Variants in PCDHGA10 observed in about 807,000 individuals in gnomAD.
PCDHGA10 encodes protocadherin gamma-A10.
In PCDHGA10, 42 loss-of-function variants were observed where a neutral mutation model predicts 59.5. That is an observed-to-expected ratio of 0.71 (90% CI 0.55 to 0.91). The LOEUF (loss-of-function observed/expected upper bound fraction) is 0.91. Among genes scored for constraint, PCDHGA10 ranks in the 40% least tolerant of loss-of-function variants. PCDHGA10 has a pLI of 0.00. For synonymous variants in PCDHGA10, 511 were observed against 517.2 expected (o/e 0.99, Z 0.16); for missense variants, 1,111 against 1,198.2 (o/e 0.93, Z 1.07).
chr5:141,451,914 A>G (rs1387569597), intron 1 of PCDHGA10, among the ~76,000 whole-genome samples: 3 of 152,022 alleles, frequency 2.0e-5, no homozygotes, highest in East Asian at 1.9e-4. Context: ...GGGAGGGAGG[A>G]AGGAAGGGAG....
At chr5:141,423,577 G>T (rs1348410879) in intron 1 of PCDHGA10, 1 of 1,613,478 alleles carries the variant, frequency 6.2e-7, no homozygotes, top group Admixed American at 1.7e-5. Flanking sequence ...CATCAGCCAG[G>T]AGAGCTGTGA....
rs1236074950 is a variant in PCDHGA10 at position 141,489,119 on chromosome 5, C to G, written c.2437-5688C>G. On this transcript the variant is annotated intron_variant, in intron 1 of 3. Transcript: ENST00000398610. This position sits in a 1 kb window ranked among gnomAD's most constrained non-coding sequence, Gnocchi z 4.5. ...GAACTGCTGCAAGCAGGCAAACCTC[C>G]GAGCAGTTTTTAAGAGGCTGGAAGG... The G allele has an allele frequency of 1.5e-6, 1 of 650,358 alleles. No individual in the cohort carries two copies. Among genetic ancestry groups the G allele is most frequent in the Non-Finnish European group, 2.5e-6 (1 of 400,690 alleles). The allele number at this position is 650,358 out of a possible 1,614,324, so 40.3% of individuals were successfully genotyped here. A position where few individuals can be genotyped will look rare whatever the true frequency, so the allele number is the denominator to read the frequency against.
intron 1 of PCDHGA10, chr5:141,442,120 C>G (rs766641164): frequency 6.0e-6 from 1 of 165,340 alleles, no homozygotes; most frequent in Admixed American, 6.5e-5. Flanking sequence ...CCCTCGTCGC[C>G]GACAGCCTGC....
intron 1 of PCDHGA10, among the ~76,000 whole-genome samples, chr5:141,425,305 AC>A (rs1239206853): frequency 1.3e-5 from 2 of 152,202 alleles, no homozygotes; most frequent in Non-Finnish European, 2.9e-5. Flanking sequence ...ATCTAAACTA[AC>A]TTCCCAAGAT....
Position 141,505,409 on chromosome 5 carries a change from G to T in PCDHGA10, c.2512G>T (p.Asp838Tyr). The change falls in exon 3 of 4, where the codon GAC (aspartate) becomes TAC (tyrosine). Residue 838 changes from aspartate to tyrosine, a missense_variant. Asp to Tyr is a radical substitution (Grantham distance 160). Transcript: ENST00000398610. ...PGTSGSQNGD[D>Y]TGTWPNNQFD... Reference sequence around the variant, plus strand: ...TCTCCCCAGCTCCCAAAATGGCGATGACACCGGCACCTGGCCCAACAACCA... The same window carrying T: ...TCTCCCCAGCTCCCAAAATGGCGATTACACCGGCACCTGGCCCAACAACCA... 6.2e-7 allele frequency: 1 copy of T among 1,614,200 alleles called. No individual in the cohort carries two copies. Among genetic ancestry groups the T allele is most frequent in the Non-Finnish European group, 8.5e-7 (1 of 1,180,048 alleles).
chr5:141,427,704 G>C (rs2097059746), intron 1 of PCDHGA10: 2 of 966,116 alleles, frequency 2.1e-6, no homozygotes, highest in Non-Finnish European at 3.2e-6. Context: ...ACAAGTCAGC[G>C]CCTCTGACCT....
At chr5:141,479,120 A>T (rs1278879959) in intron 1 of PCDHGA10, among the ~76,000 whole-genome samples, 1 of 152,232 alleles carries the variant, frequency 6.6e-6, no homozygotes, top group Non-Finnish European at 1.5e-5. Context: ...TTCTACTGGA[A>T]ATGATGTGCA....
intron 1 of PCDHGA10, among the ~76,000 whole-genome samples, chr5:141,456,297 A>G (rs537379475): frequency 6.6e-6 from 1 of 152,274 alleles, no homozygotes; most frequent in African/African-American, 2.4e-5. Context: ...CGTCTAATGG[A>G]GAACAGCAGC....
At chr5:141,502,400 C>T (rs964923206) in intron 2 of PCDHGA10, among the ~76,000 whole-genome samples, 2 of 151,748 alleles carry the variant, frequency 1.3e-5, no homozygotes, top group African/African-American at 4.8e-5. Flanking sequence ...AAAATGTCCC[C>T]GAACCTGGAT....
chr5:141,472,218 G>A (rs1206861601), intron 1 of PCDHGA10, among the ~76,000 whole-genome samples: 3 of 152,054 alleles, frequency 2.0e-5, no homozygotes, highest in Admixed American at 2.0e-4. Flanking sequence ...CCTTACTCTC[G>A]ATCATATAAT....
Position 141,486,979 on chromosome 5 carries a change from C to T in PCDHGA10, c.2437-7828C>T. On this transcript the variant is annotated intron_variant, in intron 1 of 3. Transcript: ENST00000398610. This position sits in a 1 kb window ranked among gnomAD's most constrained non-coding sequence, Gnocchi z 5.0. ...CTGCTGTGGACTTGGATTCAGGTTACAATGCTTGGGTTTCCTATCAGCTCC... is the reference window on the plus strand; with the variant it reads ...CTGCTGTGGACTTGGATTCAGGTTATAATGCTTGGGTTTCCTATCAGCTCC... 6.2e-7 allele frequency: 1 copy of T among 1,614,200 alleles called. No individual in the cohort carries two copies. Among genetic ancestry groups the T allele is most frequent in the Non-Finnish European group, 8.5e-7 (1 of 1,180,032 alleles).
At chr5:141,462,596 A>G (rs1260411284) in intron 1 of PCDHGA10, among the ~76,000 whole-genome samples, 5 of 151,922 alleles carry the variant, frequency 3.3e-5, no homozygotes, top group African/African-American at 1.2e-4. Flanking sequence ...TTTCCATTTC[A>G]TATATTGTAT....
chr5:141,482,740 G>A (rs1288861437), intron 1 of PCDHGA10, among the ~76,000 whole-genome samples: 1 of 127,398 alleles, frequency 7.8e-6, no homozygotes, highest in African/African-American at 3.6e-5. Context: ...GAAATTCCAT[G>A]CAGAGGGATT....
Position 141,490,688 on chromosome 5 carries a change from C to G in PCDHGA10, c.2437-4119C>G. 1 of 1,614,218 alleles carries G rather than the reference C, an allele frequency of 6.2e-7. No individual in the cohort carries two copies. Among genetic ancestry groups the G allele is most frequent in the Non-Finnish European group, 8.5e-7 (1 of 1,180,032 alleles). On this transcript the variant is annotated intron_variant, in intron 1 of 3. Coordinates refer to ENST00000398610, the MANE Select transcript of PCDHGA10 (RefSeq NM_018913.3). The surrounding 1 kb of genome is among the most constrained non-coding windows in gnomAD (Gnocchi z 5.4). ...ACTGTGGCTGCCTCAGATCCAGACA[C>G]TGGGGATAATGCCCGCCTCACCTAC...
chr5:141,472,856 C>T (rs1251907207), intron 1 of PCDHGA10, among the ~76,000 whole-genome samples: 5 of 150,296 alleles, frequency 3.3e-5, no homozygotes, highest in East Asian at 2.0e-4. Flanking sequence ...CATGGTGGCA[C>T]ATGCCTGTAT....
chr5:141,456,229 C>G (rs191169523), intron 1 of PCDHGA10, among the ~76,000 whole-genome samples: 9 of 152,234 alleles, frequency 5.9e-5, no homozygotes, highest in African/African-American at 1.7e-4. Context: ...ATCAAACTAA[C>G]TGCTGTTAGG....
chr5:141,496,103 C>G (rs779317844), intron 2 of PCDHGA10, among the ~76,000 whole-genome samples: 1 of 152,100 alleles, frequency 6.6e-6, no homozygotes, highest in Non-Finnish European at 1.5e-5. Flanking sequence ...ACCAACACCC[C>G]GCTCTCTTCC....
Position 141,477,099 on chromosome 5 carries a change from G to C in PCDHGA10, c.2437-17708G>C. On this transcript the variant is annotated intron_variant, in intron 1 of 3. Transcript: ENST00000398610. This position sits in a 1 kb window ranked among gnomAD's most constrained non-coding sequence, Gnocchi z 4.9. ...ATTTACATCCAGGCCAAAGACAAGG[G>C]CGCCAATCCCGAAGGAGCACATTGC... 6.2e-7 allele frequency: 1 copy of C among 1,614,256 alleles called. No individual in the cohort carries two copies. Among genetic ancestry groups the C allele is most frequent in the Non-Finnish European group, 8.5e-7 (1 of 1,180,054 alleles).
intron 1 of PCDHGA10, among the ~76,000 whole-genome samples, chr5:141,456,101 G>A (rs1231843666): frequency 6.6e-6 from 1 of 151,970 alleles, no homozygotes; most frequent in African/African-American, 2.4e-5. Context: ...ATTTCACCGT[G>A]TTAGCCAGGA....
Sources: gnomAD v4.1 joint callset for allele counts (sites outside exome capture counted in the v4.1 genomes callset) on GRCh38, gnomAD v4.1.1 for gene constraint, Gnocchi (gnomAD v3.1) non-coding constraint, MANE v1.5 for transcripts, NCBI Gene and HGNC (gene_info 2026-07-23, HGNC 2026-07-21) for gene names.